CTCF: variants seen among roughly 807,000 people sequenced by gnomAD.
The protein encoded by CTCF is CCCTC-binding factor, also known as transcriptional repressor CTCF.
Under a neutral mutation model 72.3 loss-of-function variants are expected in CTCF, and 7 were observed. The ratio of observed to expected loss-of-function variants is 0.10; its 90% confidence interval spans 0.06 to 0.18. The LOEUF (loss-of-function observed/expected upper bound fraction) is 0.18. Among genes scored for constraint, CTCF ranks in the 10% least tolerant of loss-of-function variants. The pLI is 1.00. For missense variants in CTCF, 516 were observed against 949.1 expected, an observed-to-expected ratio of 0.54 and a Z score of 6.00; for synonymous variants, 374 against 315.8, an observed-to-expected ratio of 1.18 and a Z score of -1.95.
chr16:67,626,647 C>T lies in CTCF; in HGVS notation c.1450C>T (p.Gln484Ter). 6.4e-7 allele frequency: 1 copy of T among 1,571,600 alleles called. No homozygotes were observed. The highest frequency in any genetic ancestry group is 8.6e-7 in the Non-Finnish European group (1 of 1,157,086). Reference protein sequence around the residue: ...AVFHERYALIQHQKSHKNEKR... With the variant: ...AVFHERYALI ...GTTTCATGAGCGCTATGCCCTCATC[C>T]AGCATCAGAAGTCACACAAGAATGA... Residue 484 changes from glutamine (Q) to a stop codon, truncating the protein, a stop_gained, in exon 8 of 12, where the codon CAG becomes TAG. Coordinates refer to ENST00000264010, the MANE Select transcript of CTCF (RefSeq NM_006565.4). LOFTEE classifies it high-confidence loss of function.
At chr16:67,613,722 G>A (rs1421799376) in intron 4 of CTCF, among the ~76,000 whole-genome samples, 1 of 152,136 alleles carries the variant, frequency 6.6e-6, no homozygotes, top group Non-Finnish European at 1.5e-5. Flanking sequence ...GTTGCAGTAA[G>A]CCAAGATTGT....
intron 2 of CTCF, among the ~76,000 whole-genome samples, chr16:67,576,707 T>G (rs1334243059): frequency 6.6e-6 from 1 of 151,886 alleles, no homozygotes; most frequent in Non-Finnish European, 1.5e-5. Flanking sequence ...ATTTTTTGTG[T>G]TTTTAGTAGA....
chr16:67,585,370 A>C (rs867170441), intron 2 of CTCF, among the ~76,000 whole-genome samples: 14 of 152,182 alleles, frequency 9.2e-5, no homozygotes, highest in African/African-American at 2.9e-4. Flanking sequence ...TTCAGTGTGT[A>C]TTTTTCAGAC....
At chr16:67,572,979 G>T (rs113282006) in intron 2 of CTCF, among the ~76,000 whole-genome samples, 1 of 134,232 alleles carries the variant, frequency 7.4e-6, no homozygotes, top group Admixed American at 8.5e-5. Flanking sequence ...AAGACTGGGC[G>T]CGGTGGCTCA....
chr16:67,608,018 C>CAAAAAAAAAAAAA (rs549111284), intron 2 of CTCF, among the ~76,000 whole-genome samples: 1 of 105,796 alleles, frequency 9.5e-6, no homozygotes, highest in African/African-American at 4.1e-5. Flanking sequence ...GACTCCGACT[C>CAAAAAAAAAAAAA]AAAAAAAAAA....
intron 2 of CTCF, among the ~76,000 whole-genome samples, chr16:67,594,112 T>A (rs2051780754): frequency 6.6e-6 from 1 of 152,134 alleles, no homozygotes; most frequent in Non-Finnish European, 1.5e-5. Flanking sequence ...TTTTTCTCTA[T>A]TAAGAAGTGA....
intron 2 of CTCF, among the ~76,000 whole-genome samples, chr16:67,575,383 G>T (rs1347959106): frequency 8.6e-5 from 13 of 151,972 alleles, no homozygotes; most frequent in Admixed American, 3.9e-4. Context: ...TGGCCATGCA[G>T]CTTAATAGCT....
At chr16:67,563,445 C>CCCTCTGCAAGGCTGGCTGAGCTGCTCGCA (rs2051304808) in intron 1 of CTCF, 1 of 152,186 alleles carries the variant, frequency 6.6e-6, no homozygotes, top group Non-Finnish European at 1.5e-5. Context: ...GCCGAGAGCT[C>CCCTCTGCAAGGCTGGCTGAGCTGCTCGCA]CCTCTGCAAG....
At chr16:67,563,063 G>T (rs1223556802) in intron 1 of CTCF, among the ~76,000 whole-genome samples, 3 of 151,156 alleles carry the variant, frequency 2.0e-5, no homozygotes, top group African/African-American at 7.3e-5. Flanking sequence ...TTGGCCGGCC[G>T]ATCGCCCGGC....
intron 2 of CTCF, among the ~76,000 whole-genome samples, chr16:67,609,463 T>G (rs2052027443): frequency 6.6e-6 from 1 of 152,162 alleles, no homozygotes; most frequent in Non-Finnish European, 1.5e-5. Flanking sequence ...GAGTTGAAAT[T>G]TCTAATTGTC....
At position 67,608,346 on chromosome 16, in the gene CTCF, A is replaced by C. The variant is rs547064189; in HGVS notation, c.-9-2478A>C. ...CTCAAAAAAAAAATTAAAAAAAAAA[A>C]AACGACTTGTTAGATGTGGTTCTTA... On this transcript the variant is annotated intron_variant, in intron 2 of 11. Transcript: ENST00000264010. Among the ~76,000 whole-genome samples, 19 of 152,024 alleles carry C rather than the reference A, an allele frequency of 1.2e-4. No homozygotes were observed. In the South Asian group the frequency reaches 3.6e-3, roughly 28 times the overall value.
chr16:67,623,251 A>C (rs2052229563), intron 7 of CTCF: 1 of 152,086 alleles, frequency 6.6e-6, no homozygotes, highest in South Asian at 2.1e-4. Flanking sequence ...CTGCTACACC[A>C]GATCCCCTAC....
At chr16:67,563,939 T>C (rs967347604) in intron 1 of CTCF, 8 of 152,192 alleles carry the variant, frequency 5.3e-5, no homozygotes, top group Non-Finnish European at 8.8e-5. Flanking sequence ...CGATGAAATA[T>C]GAGGGTTGAT....
intron 8 of CTCF, 76 bp from the exon 9 acceptor site, chr16:67,628,294 C>T: frequency 7.2e-7 from 1 of 1,385,594 alleles, no homozygotes; most frequent in East Asian, 2.4e-5. Context: ...ACCTGTTGGC[C>T]ACATGCATGC....
chr16:67,582,914 G>A (rs1452841746), intron 2 of CTCF, among the ~76,000 whole-genome samples: 1 of 151,560 alleles, frequency 6.6e-6, no homozygotes. Flanking sequence ...CACGTATATA[G>A]CTGTAAATAC....
In CTCF at chr16:67,638,107, T is replaced by C. The variant is rs1263292605; in HGVS notation, c.*235T>C. Reference sequence around the variant, plus strand: ...GAGTCCCTGAGGGTTTACTGTGAAGTGCTGAGGACAGTGTTGACAACTAAC... The same window carrying C: ...GAGTCCCTGAGGGTTTACTGTGAAGCGCTGAGGACAGTGTTGACAACTAAC... On this transcript the variant is annotated 3_prime_UTR_variant, in exon 12 of 12. Coordinates refer to ENST00000264010, the MANE Select transcript of CTCF (RefSeq NM_006565.4). 2.0e-6 allele frequency: 1 copy of C among 487,836 alleles called. No homozygotes were observed. Among genetic ancestry groups the C allele is most frequent in the East Asian group, 3.1e-5 (1 of 32,746 alleles). The allele number at this position is 487,836 out of a possible 1,614,324, so 30.2% of individuals were successfully genotyped here.
chr16:67,577,129 A>G (rs1004591916), intron 2 of CTCF, among the ~76,000 whole-genome samples: 4 of 151,994 alleles, frequency 2.6e-5, no homozygotes, highest in African/African-American at 9.7e-5. Flanking sequence ...GATAAAGGTA[A>G]TGAAATGGGC....
intron 2 of CTCF, among the ~76,000 whole-genome samples, chr16:67,582,375 C>T (rs898254420): frequency 6.6e-6 from 1 of 151,828 alleles, no homozygotes; most frequent in African/African-American, 2.4e-5. Context: ...TCTACCTATT[C>T]CTCATTAATT....
In CTCF at chr16:67,562,563, G is replaced by C. The variant is rs939042978; in HGVS notation, c.-288G>C. The C allele has an allele frequency of 1.3e-5, 2 of 151,940 alleles. No individual in the cohort carries two copies. Among genetic ancestry groups the C allele is most frequent in the African/African-American group, 4.8e-5 (2 of 41,368 alleles). The allele number at this position is 151,940 out of a possible 1,614,324, so 9.4% of individuals were successfully genotyped here. On this transcript the variant is annotated 5_prime_UTR_variant, in exon 1 of 12. Transcript: ENST00000264010. Reference sequence around the variant, plus strand: ...CTGCACCGCGCCGCCGCCATTTTGTGTCTGAGCCTGTGGAGCGATTAAACC... The same window carrying C: ...CTGCACCGCGCCGCCGCCATTTTGTCTCTGAGCCTGTGGAGCGATTAAACC...
Sources: gnomAD v4.1 joint callset for allele counts (sites outside exome capture counted in the v4.1 genomes callset) on GRCh38, gnomAD v4.1.1 for gene constraint, MANE v1.5 for transcripts, NCBI Gene and HGNC (gene_info 2026-07-23, HGNC 2026-07-21) for gene names.